KRT33B: variants seen among roughly 807,000 people sequenced by gnomAD.
KRT33B encodes the protein keratin, type I cuticular Ha3-II.
A neutral mutation model predicts 42.7 loss-of-function variants in KRT33B; 37 were observed. That is an observed-to-expected ratio of 0.87 (90% CI 0.67 to 1.14). KRT33B has a LOEUF of 1.14. Among genes scored for constraint, KRT33B ranks in the 50% most tolerant of loss-of-function variants. The pLI is 0.00. For synonymous variants in KRT33B, 237 were observed against 221.2 expected, an observed-to-expected ratio of 1.07 and a Z score of -0.63; for missense variants, 523 against 515.1, an observed-to-expected ratio of 1.02 and a Z score of -0.15.
chr17:41,366,341 A>T, intron 3 of KRT33B, 129 bp downstream of exon 3: 1 of 1,078,898 alleles, frequency 9.3e-7, no homozygotes, highest in Non-Finnish European at 1.3e-6. Flanking sequence ...ACAAGCCCCA[A>T]AGTATGTTTT....
intron 1 of KRT33B, 92 bp from the exon 2 acceptor site, chr17:41,368,082 C>A: frequency 1.6e-6 from 2 of 1,231,488 alleles, no homozygotes; most frequent in Non-Finnish European, 1.2e-6. Flanking sequence ...ACATTCCTCC[C>A]AAATAGCTTT....
At position 41,369,519 on chromosome 17, in the gene KRT33B, C is replaced by G. The variant is rs371286928; in HGVS notation, c.232G>C (p.Glu78Gln). ...TTCTCCAGCTCCGCGTTGTCCCGCTCCAGCTGACGCACCTTCTCCAGGTAG... is the reference window on the plus strand; with the variant it reads ...TTCTCCAGCTCCGCGTTGTCCCGCTGCAGCTGACGCACCTTCTCCAGGTAG... The part of the protein sequence containing the change: ...ASYLEKVRQL[E>Q]RDNAELENLI... Residue 78 changes from glutamate to glutamine, a missense_variant, in exon 1 of 7, where the codon GAG becomes CAG. Coordinates refer to ENST00000251646, the MANE Select transcript of KRT33B (RefSeq NM_002279.5). 1 of 1,613,928 alleles carries G rather than the reference C, an allele frequency of 6.2e-7. No homozygotes were observed.
intron 1 of KRT33B, among the ~76,000 whole-genome samples, chr17:41,368,421 T>G (rs2144301945): frequency 6.6e-6 from 1 of 151,462 alleles, no homozygotes; most frequent in Admixed American, 6.5e-5. Context: ...TGCAAAAAGC[T>G]TCTTGCTGTA....
chr17:41,364,641 A>G (rs1567670313), intron 6 of KRT33B, 138 bp downstream of exon 6: 2 of 1,115,096 alleles, frequency 1.8e-6, no homozygotes, highest in Non-Finnish European at 2.6e-6. Flanking sequence ...AATATCCTAC[A>G]CTTCCCACGG....
At chr17:41,366,443 T>C in intron 3 of KRT33B, 27 bp downstream of exon 3, 1 of 1,610,698 alleles carries the variant, frequency 6.2e-7, no homozygotes, top group Non-Finnish European at 8.5e-7. Flanking sequence ...CTCTCAGTAT[T>C]GGGATATTGG....
intron 2 of KRT33B, among the ~76,000 whole-genome samples, chr17:41,367,245 G>A (rs1335091789): frequency 6.6e-6 from 1 of 151,386 alleles, no homozygotes; most frequent in Non-Finnish European, 1.5e-5. Context: ...TTGATTCTCT[G>A]AAAGGCAATG....
rs757133468 is a variant in KRT33B at position 41,366,553 on chromosome 17, G to C, written c.505C>G (p.Leu169Val). The change falls in exon 3 of 7, where the codon CTG becomes GTG. Residue 169 changes from leucine (L) to valine (V), a missense_variant. Leu to Val is a conservative substitution (Grantham distance 32, BLOSUM62 1). Coordinates refer to ENST00000251646, the MANE Select transcript of KRT33B (RefSeq NM_002279.5). Reference sequence around the variant, plus strand: ...TCCAGGTCAGACCTGCACAGGGTCAGCTCATCCAGAATCCTGCGCAGGCTG... The same window carrying C: ...TCCAGGTCAGACCTGCACAGGGTCACCTCATCCAGAATCCTGCGCAGGCTG... Reference protein sequence around the residue: ...INSLRRILDELTLCRSDLEAQ... With the variant: ...INSLRRILDEVTLCRSDLEAQ... The C allele has an allele frequency of 1.2e-6, 2 of 1,612,528 alleles. No individual in the cohort carries two copies. The highest frequency in any genetic ancestry group is 2.2e-5 in the South Asian group (2 of 91,080).
chr17:41,363,920 T>G lies in KRT33B; in HGVS notation c.1131A>C (p.Ala377=), dbSNP rs757440777. The G allele has an allele frequency of 4.3e-6, 7 of 1,611,660 alleles. No homozygotes were observed. In the South Asian group the frequency reaches 7.7e-5, roughly 18 times the overall value. Residue 377 remains alanine (A), a synonymous_variant, in exon 7 of 7, where the codon GCA becomes GCC. Coordinates refer to ENST00000251646, the MANE Select transcript of KRT33B (RefSeq NM_002279.5). Reference sequence around the variant, plus strand: ...CACAGGATCCAATGGGCTTTTCACATGCATTGGTGGTGGCGCAGGGGTTGG... The same window carrying G: ...CACAGGATCCAATGGGCTTTTCACAGGCATTGGTGGTGGCGCAGGGGTTGG... ...LPSNPCATTN[A]CEKPIGSCVT... is the part of the protein sequence containing the mutation.
chr17:41,364,729 A>C (rs1397961094), intron 6 of KRT33B, 50 bp downstream of exon 6: 2 of 1,606,646 alleles, frequency 1.2e-6, no homozygotes, highest in Admixed American at 1.7e-5. Flanking sequence ...TTTATCCTAC[A>C]GTAGAACAGT....
rs779643722 is a variant in KRT33B, at chr17:41,364,999, G to A, written c.877C>T (p.Arg293Ter). 5.0e-6 allele frequency: 8 copies of A among 1,613,128 alleles called. 1 individual carries two copies. The highest frequency in any genetic ancestry group is 4.1e-5 in the African/African-American group (3 of 74,014). Residue 293 changes from arginine to a stop codon, truncating the protein, a stop_gained and splice_region_variant, in exon 6 of 7, where the codon CGA becomes TGA. Coordinates refer to ENST00000251646, the MANE Select transcript of KRT33B (RefSeq NM_002279.5). LOFTEE classifies it high-confidence loss of function. ...EIELQAQHNL[R>*]YSLENTLTES... ...GTCAGCGTGTTTTCCAGAGAGTATCGCTGTGGTGGGAAAGATCAGGAATGT... is the reference window on the plus strand; with the variant it reads ...GTCAGCGTGTTTTCCAGAGAGTATCACTGTGGTGGGAAAGATCAGGAATGT...
In KRT33B at chr17:41,365,299, G is replaced by A. The variant is rs748479432; in HGVS notation, c.752C>T (p.Thr251Ile). 6.2e-7 allele frequency: 1 copy of A among 1,612,536 alleles called. No homozygotes were observed. The highest frequency in any genetic ancestry group is 1.4e-5 in the African/African-American group (1 of 73,902). The change falls in exon 5 of 7, where the codon ACC becomes ATC. Residue 251 changes from threonine (T) to isoleucine (I), a missense_variant and splice_region_variant. Coordinates refer to ENST00000251646, the MANE Select transcript of KRT33B (RefSeq NM_002279.5). Reference sequence around the variant, plus strand: ...TACCACCTGCTTGTTCAGCTCCTCGGTCTGAAACACCCAAGGGGAGAAAGG... The same window carrying A: ...TACCACCTGCTTGTTCAGCTCCTCGATCTGAAACACCCAAGGGGAGAAAGG... ...REVEQWFATQ[T>I]EELNKQVVSS...
chr17:41,367,032 A>G (rs1250815005), intron 2 of KRT33B, among the ~76,000 whole-genome samples: 1 of 151,402 alleles, frequency 6.6e-6, no homozygotes, highest in Non-Finnish European at 1.5e-5. Flanking sequence ...AGTTAGAGCC[A>G]GTATTCTCAT....
At chr17:41,368,627 A>G (rs778799082) in intron 1 of KRT33B, among the ~76,000 whole-genome samples, 3 of 150,966 alleles carry the variant, frequency 2.0e-5, no homozygotes, top group African/African-American at 4.9e-5. Flanking sequence ...ACACTCTCCA[A>G]CTCTGGGTAA....
At position 41,365,188 on chromosome 17, in the gene KRT33B, G is replaced by A. The variant is rs2144296211; in HGVS notation, c.863C>T (p.Ala288Val). ...AACAATACACACCAGGTTGTGCTGG[G>A]CCTGCAGCTCGATCTCCAGGGCATT... Reference protein sequence around the residue: ...TVNALEIELQAQHNLRYSLEN... With the variant: ...TVNALEIELQVQHNLRYSLEN... The change falls in exon 5 of 7, where the codon GCC (alanine) becomes GTC (valine). Residue 288 changes from alanine to valine, a missense_variant. Coordinates refer to ENST00000251646, the MANE Select transcript of KRT33B (RefSeq NM_002279.5). The A allele has an allele frequency of 3.1e-6, 5 of 1,611,660 alleles. No homozygotes were observed. Among genetic ancestry groups the A allele is most frequent in the Non-Finnish European group, 3.4e-6 (4 of 1,180,008 alleles).
Position 41,369,695 on chromosome 17 carries a change from C to T in KRT33B, c.56G>A (p.Arg19Gln), listed in dbSNP as rs758264405. The T allele has an allele frequency of 7.4e-6, 12 of 1,613,908 alleles. No homozygotes were observed. Among genetic ancestry groups the T allele is most frequent in the East Asian group, 2.2e-5 (1 of 44,878 alleles). The stretch of plus-strand genomic sequence containing the variant: ...GTGGCAGCTGGGGGGCACACAGGGC[C>T]GGGAGGAGCAGCTGGTGCGGCAGCT... ...SLSCRTSCSS[R>Q]PCVPPSCHGY... is the part of the protein sequence containing the mutation. Residue 19 changes from arginine (R) to glutamine (Q), a missense_variant, in exon 1 of 7, where the codon CGG becomes CAG. Coordinates refer to ENST00000251646, the MANE Select transcript of KRT33B (RefSeq NM_002279.5).
intron 1 of KRT33B, 146 bp from the exon 2 acceptor site, chr17:41,368,136 A>G: frequency 1.4e-6 from 1 of 730,666 alleles, no homozygotes; most frequent in South Asian, 1.7e-5. Context: ...GGAGGATTTG[A>G]TCATAAAACT....
chr17:41,367,648 G>A (rs1276274908), intron 2 of KRT33B, among the ~76,000 whole-genome samples: 1 of 151,192 alleles, frequency 6.6e-6, no homozygotes, highest in Non-Finnish European at 1.5e-5. Context: ...AGGTTGCAGT[G>A]AGCCAAGATT....
intron 6 of KRT33B, 132 bp from the exon 7 acceptor site, chr17:41,364,085 A>G: frequency 1.6e-6 from 1 of 618,842 alleles, no homozygotes; most frequent in Non-Finnish European, 2.9e-6. Flanking sequence ...TGTTTGGATC[A>G]CTCCTTCTAC....
chr17:41,369,799 C>G lies in KRT33B; in HGVS notation c.-49G>C. On this transcript the variant is annotated 5_prime_UTR_variant, in exon 1 of 7. Transcript: ENST00000251646. ...TGGAAGTCAGTTTCAAAACCTGATT[C>G]CTTTTCCCTGGGATAAGCCTTGGTC... is the stretch of plus-strand genomic sequence containing the variant. 1 of 1,568,526 alleles carries G rather than the reference C, an allele frequency of 6.4e-7. No homozygotes were observed. Among genetic ancestry groups the G allele is most frequent in the Non-Finnish European group, 8.7e-7 (1 of 1,154,924 alleles).
Sources: allele counts gnomAD v4.1 joint callset (sites outside exome capture counted in the v4.1 genomes callset), GRCh38; gene constraint gnomAD v4.1.1; transcripts MANE v1.5; gene names NCBI Gene and HGNC (gene_info 2026-07-23, HGNC 2026-07-21).